GRID2: variants seen among roughly 807,000 people sequenced by gnomAD.
The protein encoded by GRID2 is glutamate ionotropic receptor delta type subunit 2.
Under a neutral mutation model 114.8 loss-of-function variants are expected in GRID2, and 33 were observed. That is an observed-to-expected ratio of 0.29 (90% CI 0.22 to 0.38). GRID2 has a LOEUF of 0.38. GRID2 is among the 10% of genes least tolerant of loss of function. The probability of loss-of-function intolerance (pLI) is 1.00; values close to 1 mark genes in which losing one functional copy is unlikely to be tolerated. For synonymous variants in GRID2, 505 were observed against 449.9 expected, an observed-to-expected ratio of 1.12 and a Z score of -1.55; for missense variants, 1,184 against 1,257.7, an observed-to-expected ratio of 0.94 and a Z score of 0.89.
At chr4:92,898,778 T>A (rs1386974357) in intron 2 of GRID2, among the ~76,000 whole-genome samples, 1 of 152,136 alleles carries the variant, frequency 6.6e-6, no homozygotes, top group Non-Finnish European at 1.5e-5. Context: ...ACCATCCTTT[T>A]ATACTCATGT....
intron 4 of GRID2, among the ~76,000 whole-genome samples, chr4:93,152,023 A>G (rs945587504): frequency 6.6e-6 from 1 of 152,126 alleles, no homozygotes; most frequent in African/African-American, 2.4e-5. Context: ...CACGTGGTAA[A>G]ATACTGTGTA....
intron 2 of GRID2, among the ~76,000 whole-genome samples, chr4:92,943,383 C>A (rs187472013): frequency 6.6e-6 from 1 of 152,192 alleles, no homozygotes; most frequent in African/African-American, 2.4e-5. Flanking sequence ...GCTACTGAGG[C>A]TTGTGCATTC....
At chr4:92,620,877 A>G (rs1043153054) in intron 2 of GRID2, among the ~76,000 whole-genome samples, 4 of 151,202 alleles carry the variant, frequency 2.6e-5, no homozygotes, top group Non-Finnish European at 4.4e-5. Context: ...TACCAACATG[A>G]CACATGTATA....
Position 93,123,991 on chromosome 4 carries a change from G to A in GRID2, c.735+13038G>A, listed in dbSNP as rs1235070823. Among the ~76,000 whole-genome samples, 10 of 150,626 alleles carry A rather than the reference G, an allele frequency of 6.6e-5. No individual in the cohort carries two copies. The East Asian group carries it at 2.0e-3, about 29-fold the overall frequency. On this transcript the variant is annotated intron_variant, in intron 4 of 15. Transcript: ENST00000282020. ...GGAGGGGGGAGGGATAGCATTGGGAGATATACCTAATGCTAGATGACACGT... is the reference window on the plus strand; with the variant it reads ...GGAGGGGGGAGGGATAGCATTGGGAAATATACCTAATGCTAGATGACACGT...
At chr4:92,353,615 G>C (rs775538077) in intron 1 of GRID2, among the ~76,000 whole-genome samples, 36 of 152,044 alleles carry the variant, frequency 2.4e-4, no homozygotes, top group South Asian at 1.7e-3. Flanking sequence ...TGTTTAAACA[G>C]AAGTTTTCTT....
At chr4:92,724,523 T>C (rs1197087979) in intron 2 of GRID2, among the ~76,000 whole-genome samples, 1 of 152,214 alleles carries the variant, frequency 6.6e-6, no homozygotes, top group Non-Finnish European at 1.5e-5. Context: ...GGACTAGATT[T>C]ATAGCATCCA....
intron 2 of GRID2, among the ~76,000 whole-genome samples, chr4:92,913,241 C>T (rs1455183782): frequency 6.6e-6 from 1 of 151,742 alleles, no homozygotes; most frequent in Non-Finnish European, 1.5e-5. Flanking sequence ...ACTTTGTCTC[C>T]TCACCTTGGT....
intron 14 of GRID2, among the ~76,000 whole-genome samples, chr4:93,755,181 A>C (rs1296714081): frequency 6.6e-6 from 1 of 152,148 alleles, no homozygotes. Flanking sequence ...TATTCCTTTT[A>C]TATCTATTGG....
In GRID2 at chr4:92,567,108, C is replaced by T. The variant is rs1727373891; in HGVS notation, c.89-23023C>T. Among the ~76,000 whole-genome samples, 3 of 152,050 alleles carry T rather than the reference C, an allele frequency of 2.0e-5. No homozygotes were observed. In the East Asian group the frequency reaches 5.8e-4, roughly 29 times the overall value. ...ACTTCACTTGCAAAAACAAGTATTACAGAAAAGTAATATGTTAACATTAGT... is the reference window on the plus strand; with the variant it reads ...ACTTCACTTGCAAAAACAAGTATTATAGAAAAGTAATATGTTAACATTAGT... On this transcript the variant is annotated intron_variant, in intron 1 of 15. Coordinates refer to ENST00000282020, the MANE Select transcript of GRID2 (RefSeq NM_001510.4).
At chr4:93,471,857 C>T (rs953830090) in intron 11 of GRID2, among the ~76,000 whole-genome samples, 3 of 149,070 alleles carry the variant, frequency 2.0e-5, no homozygotes, top group African/African-American at 2.5e-5. Flanking sequence ...CACACCACCA[C>T]GCCAGCTAAT....
At chr4:93,724,110 T>G (rs1729629342) in intron 14 of GRID2, among the ~76,000 whole-genome samples, 1 of 152,226 alleles carries the variant, frequency 6.6e-6, no homozygotes, top group African/African-American at 2.4e-5. Context: ...AGACACGAAA[T>G]GAGTCCTACA....
intron 2 of GRID2, among the ~76,000 whole-genome samples, chr4:92,611,146 ATG>A (rs57724105): frequency 0.15 from 19,792 of 135,892 alleles, 2,075 homozygotes; most frequent in African/African-American, 0.33. Context: ...GTGTGTGTGC[ATG>A]TGTGTGTGTG....
intron 2 of GRID2, among the ~76,000 whole-genome samples, chr4:92,677,713 T>G (rs1055629022): frequency 1.3e-5 from 2 of 152,070 alleles, no homozygotes; most frequent in African/African-American, 2.4e-5. Flanking sequence ...ACAAGAAAAT[T>G]TACAGGTTCT....
At position 92,653,497 on chromosome 4, in the gene GRID2, T is replaced by C. The variant is rs1279091641; in HGVS notation, c.244+63211T>C. 2.0e-5 allele frequency among the ~76,000 whole-genome samples: 3 copies of C among 152,002 alleles called. 1 individual carries two copies. The highest frequency in any genetic ancestry group is 6.6e-5 in the Admixed American group (1 of 15,248). On this transcript the variant is annotated intron_variant, in intron 2 of 15. Transcript: ENST00000282020. Reference sequence around the variant, plus strand: ...CACTAGTTTCTACTTTTGTTCATCGTCTGGTTTTCCCCTATTATCTTGGGC... The same window carrying C: ...CACTAGTTTCTACTTTTGTTCATCGCCTGGTTTTCCCCTATTATCTTGGGC...
intron 1 of GRID2, among the ~76,000 whole-genome samples, chr4:92,465,711 C>G (rs1721720297): frequency 6.6e-6 from 1 of 151,890 alleles, no homozygotes; most frequent in African/African-American, 2.4e-5. Flanking sequence ...TTGACATGTT[C>G]TTGTATTTAG....
At chr4:93,756,620 T>A (rs1732771241) in intron 14 of GRID2, among the ~76,000 whole-genome samples, 1 of 152,090 alleles carries the variant, frequency 6.6e-6, no homozygotes, top group Non-Finnish European at 1.5e-5. Flanking sequence ...TCAAATCAGG[T>A]CCCCATTCTC....
At chr4:93,686,884 A>G (rs912875412) in intron 14 of GRID2, among the ~76,000 whole-genome samples, 2 of 152,030 alleles carry the variant, frequency 1.3e-5, no homozygotes, top group Non-Finnish European at 2.9e-5. Flanking sequence ...TCTGGAGGCC[A>G]CTATAAGGAT....
intron 14 of GRID2, among the ~76,000 whole-genome samples, chr4:93,737,260 T>G (rs1731006067): frequency 6.6e-6 from 1 of 152,078 alleles, no homozygotes; most frequent in Admixed American, 6.6e-5. Context: ...TGCAAATTTC[T>G]GCAAATAACT....
chr4:92,546,561 C>T (rs925590914), intron 1 of GRID2, among the ~76,000 whole-genome samples: 6 of 152,222 alleles, frequency 3.9e-5, no homozygotes, highest in Middle Eastern at 3.4e-3. Flanking sequence ...TGTGCGCGCG[C>T]GTGTGCATGC....
Sources: gnomAD v4.1 joint callset for allele counts (sites outside exome capture counted in the v4.1 genomes callset) on GRCh38, gnomAD v4.1.1 for gene constraint, MANE v1.5 for transcripts, NCBI Gene and HGNC (gene_info 2026-07-23, HGNC 2026-07-21) for gene names.